Variants in CACNA1H observed in about 807,000 individuals in gnomAD.
The protein encoded by CACNA1H is voltage-dependent T-type calcium channel subunit alpha-1H.
A neutral mutation model predicts 192.5 loss-of-function variants in CACNA1H; 149 were observed. That is an observed-to-expected ratio of 0.77 (90% CI 0.68 to 0.89). The LOEUF (loss-of-function observed/expected upper bound fraction) is 0.89. Ranked by LOEUF, CACNA1H falls within the 40% of genes least tolerant of loss-of-function variation. The pLI is 0.00. For missense variants in CACNA1H, 4,257 were observed against 3,423.5 expected, an observed-to-expected ratio of 1.24 and a Z score of -6.08; for synonymous variants, 2,202 against 1,475.2, an observed-to-expected ratio of 1.49 and a Z score of -11.29.
In CACNA1H at chr16:1,196,073, G is replaced by A. The variant is rs1195816213; in HGVS notation, c.643+50G>A. 1.5e-5 allele frequency: 22 copies of A among 1,447,828 alleles called. No homozygotes were observed. In the Middle Eastern group the frequency reaches 8.8e-4, roughly 58 times the overall value. The allele number at this position is 1,447,828 out of a possible 1,614,324, so 89.7% of individuals were successfully genotyped here. ...TTGAGATCAACAGGCTTGCGTGTCC[G>A]CCAGCCCTGCAGAGCTCTCAAAAGG... On this transcript the variant is annotated intron_variant, in intron 5 of 34. Coordinates refer to ENST00000348261, the MANE Select transcript of CACNA1H (RefSeq NM_021098.3).
In CACNA1H at chr16:1,217,964, C is replaced by T. The variant is rs1970169663; in HGVS notation, c.5369C>T (p.Thr1790Ile). 1.2e-6 allele frequency: 2 copies of T among 1,605,490 alleles called. No homozygotes were observed. The highest frequency in any genetic ancestry group is 2.7e-5 in the African/African-American group (2 of 74,776). ...NPCEGLSRHA[T>I]FSNFGMAFLT... The stretch of plus-strand genomic sequence containing the variant: ...TGCGAGGGCCTGAGCAGGCACGCCA[C>T]CTTCAGCAACTTCGGCATGGCCTTC... Residue 1790 changes from threonine (T) to isoleucine (I), a missense_variant, in exon 32 of 35, where the codon ACC becomes ATC. Thr to Ile is a moderately conservative substitution (Grantham distance 89, BLOSUM62 -1). Transcript: ENST00000348261.
At position 1,215,098 on chromosome 16, in the gene CACNA1H, C is replaced by T. The variant is rs201391366; in HGVS notation, c.5039+17C>T. 1.8e-4 allele frequency: 293 copies of T among 1,602,854 alleles called. 2 individuals carry two copies. Among genetic ancestry groups the T allele is most frequent in the Middle Eastern group, 1.2e-3 (7 of 6,074 alleles). On this transcript the variant is annotated intron_variant, in intron 28 of 34. Transcript: ENST00000348261. ...CAAGGACAGGTGTGTGTGGTGGGGC[C>T]GTCTTGGGTTCTGGGGGCCCCTCAG...
At chr16:1,160,871 C>T (rs1837094359) in intron 2 of CACNA1H, among the ~76,000 whole-genome samples, 1 of 152,090 alleles carries the variant, frequency 6.6e-6, no homozygotes, top group African/African-American at 2.4e-5. Flanking sequence ...CCCGGGACGC[C>T]AGAGCACCCC....
chr16:1,160,312 G>A (rs754663299), intron 2 of CACNA1H: 6 of 152,212 alleles, frequency 3.9e-5, no homozygotes, highest in Non-Finnish European at 8.8e-5. Context: ...TAAGTCACGC[G>A]GGCCCAGGTT....
intron 2 of CACNA1H, among the ~76,000 whole-genome samples, chr16:1,184,769 G>T (rs932363122): frequency 1.3e-5 from 2 of 152,240 alleles, no homozygotes; most frequent in Non-Finnish European, 2.9e-5. Flanking sequence ...GGTCCAAAGG[G>T]CGCCTTCAGT....
chr16:1,204,434 C>T lies in CACNA1H; in HGVS notation c.2427C>T (p.Ser809=), dbSNP rs773066418. The T allele has an allele frequency of 3.2e-6, 5 of 1,545,342 alleles. No individual in the cohort carries two copies. The highest frequency in any genetic ancestry group is 4.5e-5 in the East Asian group (2 of 44,330). ...IMMAILVNTL[S]MGVEYHEQPE... ...TGGCCATCCTTGTCAACACGCTGAG[C>T]ATGGGCGTGGAGTACCATGAGCAGG... The change falls in exon 10 of 35, where the codon AGC becomes AGT. Residue 809 remains serine (S), a synonymous_variant. Coordinates refer to ENST00000348261, the MANE Select transcript of CACNA1H (RefSeq NM_021098.3).
chr16:1,154,158 C>G, intron 2 of CACNA1H, 122 bp downstream of exon 2: 1 of 678,086 alleles, frequency 1.5e-6, no homozygotes, highest in Non-Finnish European at 2.0e-6. Flanking sequence ...TGGCGTGGGC[C>G]GGGCGCGCGG....
At chr16:1,169,986 A>G (rs1964200718) in intron 2 of CACNA1H, among the ~76,000 whole-genome samples, 1 of 152,134 alleles carries the variant, frequency 6.6e-6, no homozygotes, top group Non-Finnish European at 1.5e-5. Context: ...GGATGTTTTA[A>G]TTCCTAATTT....
Position 1,205,127 on chromosome 16 carries a change from C to T in CACNA1H, c.2465C>T (p.Thr822Ile), listed in dbSNP as rs369356684. 10 of 1,612,142 alleles carry T rather than the reference C, an allele frequency of 6.2e-6. No individual in the cohort carries two copies. Among genetic ancestry groups the T allele is most frequent in the Middle Eastern group, 1.6e-4 (1 of 6,080 alleles). The change falls in exon 11 of 35, where the codon ACT (threonine) becomes ATT (isoleucine). Residue 822 changes from threonine (T) to isoleucine (I), a missense_variant. Transcript: ENST00000348261. The stretch of plus-strand genomic sequence containing the variant: ...CTCTGCCTGCAGCCCGAGGAGCTGA[C>T]TAATGCTCTGGAGATCAGCAACATC... The part of the protein sequence containing the change: ...VEYHEQPEEL[T>I]NALEISNIVF...
intron 2 of CACNA1H, among the ~76,000 whole-genome samples, chr16:1,166,776 G>A (rs569508727): frequency 2.6e-5 from 4 of 152,280 alleles, no homozygotes; most frequent in African/African-American, 9.6e-5. Flanking sequence ...ACCCTTCCAC[G>A]GTTAGATGCG....
Position 1,195,955 on chromosome 16 carries a change from A to G in CACNA1H, c.575A>G (p.Asn192Ser), listed in dbSNP as rs753735855. Residue 192 changes from asparagine to serine, a missense_variant, in exon 5 of 35, where the codon AAC becomes AGC. Asn to Ser is a conservative substitution (Grantham distance 46, BLOSUM62 1). Coordinates refer to ENST00000348261, the MANE Select transcript of CACNA1H (RefSeq NM_021098.3). ...GMMEYSLDGH[N>S]VSLSAIRTVR... Reference sequence around the variant, plus strand: ...ATGGAGTACTCGTTGGACGGACACAACGTGAGCCTCTCGGCTATCAGGACC... The same window carrying G: ...ATGGAGTACTCGTTGGACGGACACAGCGTGAGCCTCTCGGCTATCAGGACC... The G allele has an allele frequency of 1.1e-5, 18 of 1,613,060 alleles. No homozygotes were observed. Among genetic ancestry groups the G allele is most frequent in the Non-Finnish European group, 1.4e-5 (17 of 1,179,786 alleles).
chr16:1,202,067 C>T lies in CACNA1H; in HGVS notation c.1617C>T (p.Pro539=), dbSNP rs914641626. Residue 539 remains proline, a synonymous_variant, in exon 9 of 35, where the codon CCC becomes CCT. Coordinates refer to ENST00000348261, the MANE Select transcript of CACNA1H (RefSeq NM_021098.3). The part of the protein sequence containing the change: ...YHFSHGSPRR[P]GPEPGACDTR... ...TCAGCCATGGCAGCCCCCGCAGGCC[C>T]GGCCCCGAGCCAGGCGCCTGCGACA... The T allele has an allele frequency of 3.8e-5, 58 of 1,539,756 alleles. No individual in the cohort carries two copies. The highest frequency in any genetic ancestry group is 1.7e-4 in the Middle Eastern group (1 of 5,996).
intron 2 of CACNA1H, among the ~76,000 whole-genome samples, chr16:1,175,503 C>T (rs1022833454): frequency 2.0e-5 from 3 of 152,070 alleles, no homozygotes; most frequent in African/African-American, 7.2e-5. Flanking sequence ...CCTGCCCCTC[C>T]ACCCTGTAGC....
chr16:1,194,675 C>A (rs1013784202), intron 2 of CACNA1H, among the ~76,000 whole-genome samples: 1 of 152,140 alleles, frequency 6.6e-6, no homozygotes, highest in Non-Finnish European at 1.5e-5. Flanking sequence ...ACTACCGATG[C>A]GGCCAGCCCA....
chr16:1,211,124 C>G (rs372634083), intron 21 of CACNA1H, 44 bp from the exon 22 acceptor site: 3 of 1,600,414 alleles, frequency 1.9e-6, no homozygotes, highest in South Asian at 2.2e-5. Flanking sequence ...CGCCTGGCAG[C>G]TGCTGCCATA....
chr16:1,197,241 G>A (rs1967090109), intron 5 of CACNA1H, among the ~76,000 whole-genome samples: 1 of 152,246 alleles, frequency 6.6e-6, no homozygotes, highest in African/African-American at 2.4e-5. Context: ...CTGGAATAGT[G>A]CAGTACAGGA....
chr16:1,216,041 C>T (rs1193216485), intron 30 of CACNA1H, among the ~76,000 whole-genome samples: 3 of 152,136 alleles, frequency 2.0e-5, no homozygotes, highest in Admixed American at 6.5e-5. Context: ...TCCTCCAAGG[C>T]CAAGAGACCC....
At position 1,167,016 on chromosome 16, in the gene CACNA1H, C is replaced by G. The variant is rs1021887735; in HGVS notation, c.299+12980C>G. Among the ~76,000 whole-genome samples the G allele has an allele frequency of 6.6e-6, 1 of 152,178 alleles. No homozygotes were observed. The highest frequency in any genetic ancestry group is 1.5e-5 in the Non-Finnish European group (1 of 68,016). On this transcript the variant is annotated intron_variant, in intron 2 of 34. Coordinates refer to ENST00000348261, the MANE Select transcript of CACNA1H (RefSeq NM_021098.3). This position sits in a 1 kb window ranked among gnomAD's most constrained non-coding sequence, Gnocchi z 4.2. ...GCCAGGCTGTTTTCCAAAGCGGTGC[C>G]CACCTGTTGACCCACCTCTCGCCCC...
At chr16:1,168,310 C>G (rs1209972582) in intron 2 of CACNA1H, among the ~76,000 whole-genome samples, 2 of 152,124 alleles carry the variant, frequency 1.3e-5, no homozygotes, top group African/African-American at 4.8e-5. Context: ...GGCCTGAGGC[C>G]TGCAGTTCCC....
Sources: allele counts gnomAD v4.1 joint callset (sites outside exome capture counted in the v4.1 genomes callset), GRCh38; gene constraint gnomAD v4.1.1; non-coding constraint Gnocchi (gnomAD v3.1); transcripts MANE v1.5; gene names NCBI Gene and HGNC (gene_info 2026-07-23, HGNC 2026-07-21).